Variants in HLCS observed in about 807,000 individuals in gnomAD.
HLCS encodes the protein biotin--protein ligase.
A neutral mutation model predicts 75.0 loss-of-function variants in HLCS; 53 were observed. That is an observed-to-expected ratio of 0.71 (90% CI 0.57 to 0.89). HLCS has a LOEUF of 0.89. Among genes scored for constraint, HLCS ranks in the 40% least tolerant of loss-of-function variants. The probability of loss-of-function intolerance (pLI) is 0.00; values close to 1 mark genes in which losing one functional copy is unlikely to be tolerated. For synonymous variants in HLCS, 431 were observed against 428.6 expected, an observed-to-expected ratio of 1.01 and a Z score of -0.07; for missense variants, 966 against 1,074.0, an observed-to-expected ratio of 0.90 and a Z score of 1.41.
intron 6 of HLCS, among the ~76,000 whole-genome samples, chr21:36,817,289 G>A (rs568576957): frequency 1.3e-5 from 2 of 152,106 alleles, no homozygotes; most frequent in Non-Finnish European, 2.9e-5. Context: ...GCTCAGTCTG[G>A]ATTTAATCGG....
chr21:36,872,816 GT>G (rs1359727810), intron 6 of HLCS, among the ~76,000 whole-genome samples: 3 of 152,164 alleles, frequency 2.0e-5, no homozygotes, highest in African/African-American at 7.2e-5. Context: ...GCATAGACAT[GT>G]ATTTTTGTTT....
chr21:36,874,260 G>A (rs541797383), intron 6 of HLCS, among the ~76,000 whole-genome samples: 1 of 152,234 alleles, frequency 6.6e-6, no homozygotes, highest in Non-Finnish European at 1.5e-5. Flanking sequence ...AAATTAGCCA[G>A]GTGTTGTGGT....
intron 6 of HLCS, among the ~76,000 whole-genome samples, chr21:36,800,433 G>A (rs1171052120): frequency 1.3e-5 from 2 of 152,192 alleles, no homozygotes; most frequent in Non-Finnish European, 2.9e-5. Context: ...AACAGATGCA[G>A]TCACAGGAAT....
intron 6 of HLCS, among the ~76,000 whole-genome samples, chr21:36,869,778 G>A (rs984499604): frequency 2.6e-5 from 4 of 152,118 alleles, no homozygotes; most frequent in Admixed American, 2.6e-4. Context: ...CCTTAATCTT[G>A]TGTTTATAAC....
At chr21:36,810,260 T>C (rs938577014) in intron 6 of HLCS, among the ~76,000 whole-genome samples, 1 of 152,252 alleles carries the variant, frequency 6.6e-6, no homozygotes, top group Admixed American at 6.5e-5. Context: ...CTTGGATGAC[T>C]GTTAGTTCTT....
At chr21:36,839,654 C>A (rs2062548638) in intron 6 of HLCS, among the ~76,000 whole-genome samples, 1 of 152,186 alleles carries the variant, frequency 6.6e-6, no homozygotes, top group Admixed American at 6.5e-5. Flanking sequence ...AGGCACATCA[C>A]AGAAGACATC....
upstream of HLCS, among the ~76,000 whole-genome samples, chr21:36,967,940 G>A (rs1286248772): frequency 2.6e-5 from 4 of 152,058 alleles, no homozygotes; most frequent in East Asian, 1.9e-4. Context: ...GGGTGGTCTC[G>A]AACTCCTGAC....
chr21:36,889,389 CA>C (rs1319923990), intron 6 of HLCS, among the ~76,000 whole-genome samples: 1 of 152,096 alleles, frequency 6.6e-6, no homozygotes, highest in Non-Finnish European at 1.5e-5. Context: ...ATAAGTCAAT[CA>C]AAAAAGACGC....
intron 1 of HLCS, among the ~76,000 whole-genome samples, chr21:36,964,751 A>G (rs1485805099): frequency 6.6e-6 from 1 of 152,236 alleles, no homozygotes; most frequent in Admixed American, 6.5e-5. Context: ...AGGCCAGCGG[A>G]GTCATGAAAA....
At chr21:36,769,219 G>A (rs868208627) in intron 6 of HLCS, among the ~76,000 whole-genome samples, 3 of 152,212 alleles carry the variant, frequency 2.0e-5, no homozygotes, top group African/African-American at 7.2e-5. Context: ...GAGGGAGTCT[G>A]TGCTGAAGGC....
At chr21:36,928,653 C>G (rs1450768644) in intron 5 of HLCS, among the ~76,000 whole-genome samples, 1 of 152,140 alleles carries the variant, frequency 6.6e-6, no homozygotes, top group African/African-American at 2.4e-5. Flanking sequence ...CAAAGTAAAG[C>G]AGAATTCAGT....
At chr21:36,957,802 G>A (rs142038568) in intron 2 of HLCS, among the ~76,000 whole-genome samples, 3 of 151,664 alleles carry the variant, frequency 2.0e-5, no homozygotes, top group Non-Finnish European at 2.9e-5. Context: ...TGTGGCACGC[G>A]CCTGCAGTCC....
At chr21:36,891,053 A>T (rs1000284320) in intron 6 of HLCS, among the ~76,000 whole-genome samples, 3 of 152,192 alleles carry the variant, frequency 2.0e-5, no homozygotes, top group Non-Finnish European at 2.9e-5. Flanking sequence ...GCCTACTATA[A>T]AGACCACATT....
intron 5 of HLCS, among the ~76,000 whole-genome samples, chr21:36,929,499 AG>A (rs1480100907): frequency 6.6e-6 from 1 of 152,210 alleles, no homozygotes; most frequent in African/African-American, 2.4e-5. Context: ...TTGGGATGAG[AG>A]GTATAATTTG....
Position 36,966,498 on chromosome 21 carries a change from G to A in HLCS, c.141C>T (p.Gly47=). Residue 47 remains glycine (G), a synonymous_variant, in exon 1 of 11, where the codon GGC becomes GGT. Transcript: ENST00000674895. ...CGCCACGGCTCAGGCACACGCGGGC[G>A]CCCGGGGGCTGCGCGGCCGCGCCGC... ...TFCGAAAQPP[G]ARVCLSRGGR... 4.1e-6 allele frequency: 4 copies of A among 985,180 alleles called. No individual in the cohort carries two copies. The highest frequency in any genetic ancestry group is 4.8e-6 in the Non-Finnish European group (4 of 830,756). The allele number at this position is 985,180 out of a possible 1,614,324, so 61.0% of individuals were successfully genotyped here. A position where few individuals can be genotyped will look rare whatever the true frequency, so the allele number is the denominator to read the frequency against.
intron 6 of HLCS, among the ~76,000 whole-genome samples, chr21:36,892,133 A>T (rs1417716835): frequency 6.6e-6 from 1 of 152,208 alleles, no homozygotes; most frequent in Non-Finnish European, 1.5e-5. Flanking sequence ...TTGTATCTCT[A>T]CAGAAACCTT....
intron 5 of HLCS, among the ~76,000 whole-genome samples, chr21:36,907,732 C>T (rs1204785519): frequency 6.6e-6 from 1 of 152,006 alleles, no homozygotes; most frequent in Non-Finnish European, 1.5e-5. Flanking sequence ...AGAAATTATT[C>T]TCAATACTTA....
intron 6 of HLCS, among the ~76,000 whole-genome samples, chr21:36,817,657 C>T (rs954118330): frequency 1.3e-5 from 2 of 152,132 alleles, no homozygotes; most frequent in East Asian, 3.8e-4. Context: ...ACGAACTTTA[C>T]GTTAGAGACA....
At chr21:36,943,264 T>G (rs13050453) in intron 2 of HLCS, 84,051 of 151,994 alleles carry the variant, frequency 0.55, 23,559 homozygotes, top group East Asian at 0.64. Context: ...ACATCTAGAT[T>G]AGGCTCAGAG....
Sources: gnomAD v4.1 joint callset for allele counts (sites outside exome capture counted in the v4.1 genomes callset) on GRCh38, gnomAD v4.1.1 for gene constraint, MANE v1.5 for transcripts, NCBI Gene and HGNC (gene_info 2026-07-23, HGNC 2026-07-21) for gene names.